HS2ST1: variants seen among roughly 807,000 people sequenced by gnomAD.
HS2ST1 encodes the protein 2-O-sulfotransferase.
In HS2ST1, 18 loss-of-function variants were observed where a neutral mutation model predicts 42.9. The observed-to-expected ratio is 0.42, with a 90% confidence interval of 0.29 to 0.62. The LOEUF (loss-of-function observed/expected upper bound fraction) is 0.62. Among genes scored for constraint, HS2ST1 ranks in the 20% least tolerant of loss-of-function variants. The pLI, the probability that HS2ST1 is intolerant of heterozygous loss-of-function variation, is 0.21. For missense variants in HS2ST1, 334 were observed against 433.8 expected, an observed-to-expected ratio of 0.77 and a Z score of 2.04; for synonymous variants, 146 against 152.9, an observed-to-expected ratio of 0.95 and a Z score of 0.33.
intron 1 of HS2ST1, among the ~76,000 whole-genome samples, chr1:87,003,208 T>G (rs1649341740): frequency 1.3e-5 from 2 of 152,316 alleles, no homozygotes; most frequent in South Asian, 4.1e-4. Context: ...AAGTAGAACA[T>G]AAGATTAAGT....
intron 1 of HS2ST1, among the ~76,000 whole-genome samples, chr1:87,020,041 ATCTC>A (rs559338820): frequency 5.4e-4 from 82 of 152,346 alleles, no homozygotes; most frequent in African/African-American, 1.9e-3. Flanking sequence ...CATGGAGAGT[ATCTC>A]TCATTATTTT....
chr1:87,039,820 T>C (rs1241583456), intron 1 of HS2ST1, among the ~76,000 whole-genome samples: 1 of 152,132 alleles, frequency 6.6e-6, no homozygotes. Context: ...GTTTCTAGAC[T>C]AGGTGCCAAA....
intron 1 of HS2ST1, among the ~76,000 whole-genome samples, chr1:87,021,350 C>T (rs1649944096): frequency 6.6e-6 from 1 of 152,146 alleles, no homozygotes; most frequent in Non-Finnish European, 1.5e-5. Context: ...TTTGTAGGCC[C>T]TACAAACATT....
chr1:86,926,483 C>G (rs1660424929), intron 1 of HS2ST1, among the ~76,000 whole-genome samples: 1 of 152,226 alleles, frequency 6.6e-6, no homozygotes, highest in South Asian at 2.1e-4. Context: ...AGTCATAAGA[C>G]TCACTTCATT....
chr1:87,099,611 C>T (rs1652152260), intron 5 of HS2ST1, among the ~76,000 whole-genome samples: 1 of 152,108 alleles, frequency 6.6e-6, no homozygotes, highest in Non-Finnish European at 1.5e-5. Flanking sequence ...ATTATTCTGC[C>T]CCTGGCTCAC....
chr1:87,057,073 T>C (rs1359969554), intron 1 of HS2ST1, among the ~76,000 whole-genome samples: 1 of 152,244 alleles, frequency 6.6e-6, no homozygotes, highest in Admixed American at 6.5e-5. Context: ...CCAGTTGTCT[T>C]CTATTAAGCC....
intron 1 of HS2ST1, among the ~76,000 whole-genome samples, chr1:86,947,700 G>A (rs1647382054): frequency 6.6e-6 from 1 of 151,622 alleles, no homozygotes; most frequent in Admixed American, 6.6e-5. Context: ...GTATAGATAA[G>A]AAAGATTGTG....
intron 1 of HS2ST1, among the ~76,000 whole-genome samples, chr1:87,023,505 A>T (rs538020736): frequency 6.6e-6 from 1 of 152,262 alleles, no homozygotes; most frequent in South Asian, 2.1e-4. Context: ...TATGTATAAC[A>T]TGCTATCACT....
intron 1 of HS2ST1, among the ~76,000 whole-genome samples, chr1:87,063,625 A>G (rs917157087): frequency 1.3e-5 from 2 of 152,124 alleles, no homozygotes; most frequent in South Asian, 2.1e-4. Context: ...GTGAGCTACC[A>G]TGCCCGGCCT....
intron 1 of HS2ST1, among the ~76,000 whole-genome samples, chr1:86,986,284 T>C (rs1267444999): frequency 6.6e-6 from 1 of 152,136 alleles, no homozygotes; most frequent in African/African-American, 2.4e-5. Context: ...CTGGACTGTG[T>C]TTTGTTACAG....
intron 1 of HS2ST1, 120 bp downstream of exon 1, chr1:86,915,280 A>G (rs1660120790): frequency 8.6e-7 from 1 of 1,162,326 alleles, no homozygotes; most frequent in Non-Finnish European, 1.2e-6. Flanking sequence ...AGCGGTTTCA[A>G]AGAGAACCGG....
intron 1 of HS2ST1, among the ~76,000 whole-genome samples, chr1:86,916,834 T>A (rs1013121296): frequency 2.0e-5 from 3 of 152,198 alleles, no homozygotes; most frequent in Admixed American, 6.5e-5. Flanking sequence ...TTTGTTACTA[T>A]TTGGAATTGT....
intron 2 of HS2ST1, among the ~76,000 whole-genome samples, chr1:87,075,156 G>A (rs1651504497): frequency 7.7e-6 from 1 of 129,846 alleles, no homozygotes; most frequent in Non-Finnish European, 1.6e-5. Flanking sequence ...ACTGTTCTCA[G>A]CTACCTTTTT....
chr1:87,022,113 C>CA (rs1649968587), intron 1 of HS2ST1, among the ~76,000 whole-genome samples: 1 of 151,866 alleles, frequency 6.6e-6, no homozygotes, highest in African/African-American at 2.4e-5. Flanking sequence ...TCTGTGTTGA[C>CA]AGAGATTATT....
intron 1 of HS2ST1, among the ~76,000 whole-genome samples, chr1:87,063,462 G>A (rs1651167287): frequency 6.6e-6 from 1 of 152,032 alleles, no homozygotes; most frequent in South Asian, 2.1e-4. Context: ...TCATCCTCCT[G>A]AGTAGCTGAG....
chr1:87,063,476 A>G (rs1270074745), intron 1 of HS2ST1, among the ~76,000 whole-genome samples: 2 of 152,200 alleles, frequency 1.3e-5, no homozygotes, highest in East Asian at 1.9e-4. Flanking sequence ...AGCTGAGACT[A>G]CAGGCATGCA....
At chr1:86,936,328 T>G (rs1280803998) in intron 1 of HS2ST1, among the ~76,000 whole-genome samples, 1 of 152,220 alleles carries the variant, frequency 6.6e-6, no homozygotes, top group Non-Finnish European at 1.5e-5. Flanking sequence ...CTATAACATG[T>G]CATTGCATTG....
chr1:87,089,676 G>A (rs1041092215), intron 3 of HS2ST1, among the ~76,000 whole-genome samples: 4 of 151,870 alleles, frequency 2.6e-5, no homozygotes, highest in African/African-American at 9.7e-5. Flanking sequence ...CCAGCCCTTC[G>A]TGTCTATATA....
rs1162227480 is a variant in HS2ST1 at position 87,018,139 on chromosome 1, CACACACACACACACACACACACACAG to C, written c.125-54779_125-54754del. On this transcript the variant is annotated intron_variant, in intron 1 of 6. Coordinates refer to ENST00000370550, the MANE Select transcript of HS2ST1 (RefSeq NM_012262.4). ...TTCAAAGATAAATAAAAGCCACACA[CACACACACACACACACACACACACAG>C]ACACACACACACACAAAGAAAAAAC... is the stretch of plus-strand genomic sequence containing the variant. 2.4e-3 allele frequency among the ~76,000 whole-genome samples: 15 copies of C among 6,364 alleles called. No homozygotes were observed. The East Asian group carries it at 0.16, about 69-fold the overall frequency. The allele number at this position is 6,364 out of a possible 152,430, so 4.2% of individuals were successfully genotyped here. A position where few individuals can be genotyped will look rare whatever the true frequency, so the allele number is the denominator to read the frequency against.
Sources: gnomAD v4.1 joint callset for allele counts (sites outside exome capture counted in the v4.1 genomes callset) on GRCh38, gnomAD v4.1.1 for gene constraint, MANE v1.5 for transcripts, NCBI Gene and HGNC (gene_info 2026-07-23, HGNC 2026-07-21) for gene names.